Variants in VCP observed in about 807,000 individuals in gnomAD.
VCP encodes transitional endoplasmic reticulum ATPase.
VCP carries 6 observed loss-of-function variants against 85.7 expected under a neutral mutation model. The observed-to-expected ratio is 0.07, with a 90% confidence interval of 0.04 to 0.14. The LOEUF (loss-of-function observed/expected upper bound fraction) is 0.14. Ranked by LOEUF, VCP falls within the 10% of genes least tolerant of loss-of-function variation. The probability of loss-of-function intolerance (pLI) is 1.00; values close to 1 mark genes in which losing one functional copy is unlikely to be tolerated. For synonymous variants in VCP, 384 were observed against 367.1 expected (o/e 1.05, Z -0.53); for missense variants, 353 against 1,043.4 (o/e 0.34, Z 9.12).
chr9:35,057,307 A>G (rs1294507004), intron 16 of VCP, 69 bp downstream of exon 16: 1 of 1,613,636 alleles, frequency 6.2e-7, no homozygotes, highest in African/African-American at 1.3e-5. Context: ...CTTCCTTAGG[A>G]CTCCCATCCC....
Position 35,069,724 on chromosome 9 carries a change from T to C in VCP, c.18-1362A>G, listed in dbSNP as rs532433688. 3.3e-5 allele frequency among the ~76,000 whole-genome samples: 5 copies of C among 152,278 alleles called. No homozygotes were observed. In the South Asian group the frequency reaches 1.0e-3, roughly 32 times the overall value. On this transcript the variant is annotated intron_variant, in intron 1 of 16. Coordinates refer to ENST00000358901, the MANE Select transcript of VCP (RefSeq NM_007126.5). The stretch of plus-strand genomic sequence containing the variant: ...ACCTCGGCCTCCCAAAGTACTGGGA[T>C]TACAGGCGTGAGCCACAGCACCCAG...
chr9:35,072,358 C>T lies in VCP; in HGVS notation c.-5G>A, dbSNP rs1828975206. 6.8e-7 allele frequency: 1 copy of T among 1,480,316 alleles called. No homozygotes were observed. Among genetic ancestry groups the T allele is most frequent in the Non-Finnish European group, 8.9e-7 (1 of 1,122,904 alleles). 91.7% of individuals were successfully genotyped at this position (1,480,316 alleles called of 1,614,324 possible). On this transcript the variant is annotated 5_prime_UTR_variant, in exon 1 of 17. Transcript: ENST00000358901. ...TCACTCGGCTCCAGAAGCCATGGCG[C>T]GCGCCTCTCCCGGCCGGCGGCTGTG...
intron 3 of VCP, among the ~76,000 whole-genome samples, chr9:35,067,069 G>C (rs1329813719): frequency 6.6e-6 from 1 of 152,210 alleles, no homozygotes; most frequent in Non-Finnish European, 1.5e-5. Flanking sequence ...TCTTCAGGGA[G>C]ATATCCAAGG....
rs769559260 is a variant in VCP at position 35,062,208 on chromosome 9, A to C, written c.945+9T>G. On this transcript the variant is annotated intron_variant, in intron 8 of 16. Coordinates refer to ENST00000358901, the MANE Select transcript of VCP (RefSeq NM_007126.5). Reference sequence around the variant, plus strand: ...CAACCCCCCTCTATCCCCTCAGGTAAGCTCCTACTTTCTCTCTTTTGGGAG... The same window carrying C: ...CAACCCCCCTCTATCCCCTCAGGTACGCTCCTACTTTCTCTCTTTTGGGAG... 4 of 1,614,022 alleles carry C rather than the reference A, an allele frequency of 2.5e-6. No homozygotes were observed. The highest frequency in any genetic ancestry group is 3.4e-6 in the Non-Finnish European group (4 of 1,180,018).
At chr9:35,068,200 A>G (rs1166599487) in intron 2 of VCP, 51 bp downstream of exon 2, 1 of 1,608,382 alleles carries the variant, frequency 6.2e-7, no homozygotes, top group Non-Finnish European at 8.5e-7. Context: ...ACCTGGGAAA[A>G]TCCCTCAAGT....
chr9:35,058,423 G>A (rs1435778061), intron 15 of VCP, among the ~76,000 whole-genome samples: 1 of 152,142 alleles, frequency 6.6e-6, no homozygotes, highest in Non-Finnish European at 1.5e-5. Flanking sequence ...GGAGGTCTGT[G>A]GACCCTATCC....
Position 35,072,396 on chromosome 9 carries a change from T to C in VCP, c.-43A>G. The C allele has an allele frequency of 1.4e-6, 2 of 1,469,164 alleles. No homozygotes were observed. The highest frequency in any genetic ancestry group is 1.8e-6 in the Non-Finnish European group (2 of 1,116,390). The allele number at this position is 1,469,164 out of a possible 1,614,324, so 91.0% of individuals were successfully genotyped here. A position where few individuals can be genotyped will look rare whatever the true frequency, so the allele number is the denominator to read the frequency against. On this transcript the variant is annotated 5_prime_UTR_variant, in exon 1 of 17. Coordinates refer to ENST00000358901, the MANE Select transcript of VCP (RefSeq NM_007126.5). ...GCCGGCGGCTGTGGCGGCCCGCGGG[T>C]AACGGCTACGAGCGGTGGCAAGCGA...
In VCP at chr9:35,056,605, T is replaced by C. The variant is rs1032711969; in HGVS notation, c.*512A>G. 3 of 179,828 alleles carry C rather than the reference T, an allele frequency of 1.7e-5. No homozygotes were observed. The highest frequency in any genetic ancestry group is 5.4e-5 in the Admixed American group (1 of 18,462). 11.1% of individuals were successfully genotyped at this position (179,828 alleles called of 1,614,324 possible). A position where few individuals can be genotyped will look rare whatever the true frequency, so the allele number is the denominator to read the frequency against. On this transcript the variant is annotated 3_prime_UTR_variant, in exon 17 of 17. Coordinates refer to ENST00000358901, the MANE Select transcript of VCP (RefSeq NM_007126.5). ...TTTATTGTCCTTTTACAACATGTCA[T>C]TTTTTGGTTTAGAAACTGCTTGTGA...
At position 35,059,058 on chromosome 9, in the gene VCP, A is replaced by G. The variant is rs1828668970; in HGVS notation, c.2160+6T>C. 2 of 1,613,584 alleles carry G rather than the reference A, an allele frequency of 1.2e-6. No individual in the cohort carries two copies. The highest frequency in any genetic ancestry group is 2.2e-5 in the East Asian group (1 of 44,860). ...TGGCACATCTGGGGAAAGGATGCAGACTCACCATGGCTGATGGGTTTGTCT... is the reference window on the plus strand; with the variant it reads ...TGGCACATCTGGGGAAAGGATGCAGGCTCACCATGGCTGATGGGTTTGTCT... On this transcript the variant is annotated splice_donor_region_variant and intron_variant, in intron 15 of 16. Transcript: ENST00000358901. The surrounding 1 kb of genome is among the most constrained non-coding windows in gnomAD (Gnocchi z 4.9).
At chr9:35,068,402 A>G in intron 1 of VCP, 40 bp from the exon 2 acceptor site, 1 of 1,550,766 alleles carries the variant, frequency 6.4e-7, no homozygotes, top group African/African-American at 1.4e-5. Context: ...CTCCTGCCCC[A>G]AGCGCCTCGC....
At chr9:35,062,429 T>C (rs1828744686) in intron 7 of VCP, 79 bp from the exon 8 acceptor site, 1 of 1,607,492 alleles carries the variant, frequency 6.2e-7, no homozygotes, top group Admixed American at 1.7e-5. Flanking sequence ...ATCTTGCTTG[T>C]TTGGCCCAGA....
chr9:35,058,041 G>C (rs1190512015), intron 15 of VCP, among the ~76,000 whole-genome samples: 1 of 152,142 alleles, frequency 6.6e-6, no homozygotes, highest in Non-Finnish European at 1.5e-5. Context: ...AATCTACCCA[G>C]GGTTTCCCAA....
chr9:35,068,469 G>C (rs983040646), intron 1 of VCP, 107 bp from the exon 2 acceptor site: 3 of 1,044,746 alleles, frequency 2.9e-6, no homozygotes, highest in Admixed American at 1.7e-5. Flanking sequence ...GCTGTCCCTA[G>C]ACCAGAAAGC....
rs746167710 is a variant in VCP at position 35,057,199 on chromosome 9, C to G, written c.2339G>C (p.Gly780Ala). 2.5e-6 allele frequency: 4 copies of G among 1,614,234 alleles called. No individual in the cohort carries two copies. The highest frequency in any genetic ancestry group is 3.3e-5 in the Admixed American group (2 of 60,026). Reference protein sequence around the residue: ...SFRFPSGNQGGAGPSQGSGGG... With the variant: ...SFRFPSGNQGAAGPSQGSGGG... ...TCCACTGCCCTGACTGGGGCCAGCT[C>G]CACCCTGGTTCCCTGAAGGGAATCT... Residue 780 changes from glycine (G) to alanine (A), a missense_variant, in exon 17 of 17, where the codon GGA becomes GCA. This residue lies in a region of VCP where 93 missense variants were observed against 197.1 expected (regional missense o/e 0.47). Coordinates refer to ENST00000358901, the MANE Select transcript of VCP (RefSeq NM_007126.5).
At chr9:35,057,850 T>C in intron 15 of VCP, 1 of 425,804 alleles carries the variant, frequency 2.3e-6, no homozygotes, top group South Asian at 2.2e-5. Context: ...GTTATAGAAC[T>C]TACACACACT....
intron 1 of VCP, among the ~76,000 whole-genome samples, chr9:35,070,535 G>C (rs1194122760): frequency 6.6e-6 from 1 of 152,172 alleles, no homozygotes; most frequent in Non-Finnish European, 1.5e-5. Flanking sequence ...CTGGGTTCAA[G>C]TGATTCTCCT....
chr9:35,068,372 G>T lies in VCP; in HGVS notation c.18-10C>A. ...GTCATCACCTTTTGAACTAGAAGGAGGAAATGGAGTCAGTAGATACTCCTG... is the reference window on the plus strand; with the variant it reads ...GTCATCACCTTTTGAACTAGAAGGATGAAATGGAGTCAGTAGATACTCCTG... On this transcript the variant is annotated splice_polypyrimidine_tract_variant and intron_variant, in intron 1 of 16. Transcript: ENST00000358901. 1 of 1,612,744 alleles carries T rather than the reference G, an allele frequency of 6.2e-7. No individual in the cohort carries two copies. Among genetic ancestry groups the T allele is most frequent in the Non-Finnish European group, 8.5e-7 (1 of 1,178,774 alleles).
chr9:35,061,245 A>G, intron 10 of VCP, 66 bp from the exon 11 acceptor site: 1 of 1,603,678 alleles, frequency 6.2e-7, no homozygotes. Flanking sequence ...GCTCAGAGAC[A>G]ATAGAATCCT....
chr9:35,072,389 C>T lies in VCP; in HGVS notation c.-36G>A. Reference sequence around the variant, plus strand: ...TCTCCCGGCCGGCGGCTGTGGCGGCCCGCGGGTAACGGCTACGAGCGGTGG... The same window carrying T: ...TCTCCCGGCCGGCGGCTGTGGCGGCTCGCGGGTAACGGCTACGAGCGGTGG... On this transcript the variant is annotated 5_prime_UTR_variant, in exon 1 of 17. Coordinates refer to ENST00000358901, the MANE Select transcript of VCP (RefSeq NM_007126.5). 6.8e-7 allele frequency: 1 copy of T among 1,473,002 alleles called. No individual in the cohort carries two copies. The highest frequency in any genetic ancestry group is 8.9e-7 in the Non-Finnish European group (1 of 1,118,248). 91.2% of individuals were successfully genotyped at this position (1,473,002 alleles called of 1,614,324 possible). A position where few individuals can be genotyped will look rare whatever the true frequency, so the allele number is the denominator to read the frequency against.
Sources: allele counts gnomAD v4.1 joint callset (sites outside exome capture counted in the v4.1 genomes callset), GRCh38; gene constraint gnomAD v4.1.1; regional missense constraint gnomAD v4.1.1; non-coding constraint Gnocchi (gnomAD v3.1); transcripts MANE v1.5; gene names NCBI Gene and HGNC (gene_info 2026-07-23, HGNC 2026-07-21).